The following ATP6V1C2 variants were observed in gnomAD, a reference collection of about 807,000 sequenced individuals.
ATP6V1C2 encodes ATPase H+ transporting V1 subunit C2.
Under a neutral mutation model 56.8 loss-of-function variants are expected in ATP6V1C2, and 45 were observed. That is an observed-to-expected ratio of 0.79 (90% CI 0.62 to 1.02). The LOEUF is 1.02. ATP6V1C2 is among the 50% of genes least tolerant of loss of function. ATP6V1C2 has a pLI of 0.00. For synonymous variants in ATP6V1C2, 220 were observed against 201.3 expected, an observed-to-expected ratio of 1.09 and a Z score of -0.79; for missense variants, 463 against 519.7, an observed-to-expected ratio of 0.89 and a Z score of 1.06.
intron 3 of ATP6V1C2, among the ~76,000 whole-genome samples, chr2:10,748,770 T>G (rs1215957318): frequency 6.6e-6 from 1 of 152,168 alleles, no homozygotes; most frequent in African/African-American, 2.4e-5. Flanking sequence ...CCTTTAGCTC[T>G]CTGAGTCTTA....
intron 7 of ATP6V1C2, 66 bp downstream of exon 7, chr2:10,772,003 T>C (rs955988677): frequency 3.5e-6 from 5 of 1,427,878 alleles, no homozygotes; most frequent in South Asian, 1.1e-5. Flanking sequence ...GACCCGTTGG[T>C]GACTTGGGCA....
intron 3 of ATP6V1C2, among the ~76,000 whole-genome samples, chr2:10,739,995 G>A (rs1008086150): frequency 1.5e-4 from 23 of 151,792 alleles, no homozygotes; most frequent in Non-Finnish European, 2.6e-4. Flanking sequence ...GGCTGAGGCA[G>A]GAGAATCACT....
chr2:10,781,476 T>C (rs1665350969), intron 12 of ATP6V1C2, among the ~76,000 whole-genome samples: 1 of 149,798 alleles, frequency 6.7e-6, no homozygotes, highest in African/African-American at 2.5e-5. Context: ...AGATTCTGTC[T>C]CAAAAAAAAA....
rs151035703 is a variant in ATP6V1C2, at chr2:10,776,484, C to T, written c.826-1101C>T. 2.4e-4 allele frequency among the ~76,000 whole-genome samples: 37 copies of T among 152,300 alleles called. No individual in the cohort carries two copies. The East Asian group carries it at 6.6e-3, about 27-fold the overall frequency. On this transcript the variant is annotated intron_variant, in intron 10 of 13. Coordinates refer to ENST00000272238, the MANE Select transcript of ATP6V1C2 (RefSeq NM_001039362.2). Reference sequence around the variant, plus strand: ...TCAGAGCAGGGCCCACAGACCCAGACACCAGGCAGGAAAGATTTTCCCCAG... The same window carrying T: ...TCAGAGCAGGGCCCACAGACCCAGATACCAGGCAGGAAAGATTTTCCCCAG...
At chr2:10,767,024 A>G (rs1386476813) in intron 5 of ATP6V1C2, among the ~76,000 whole-genome samples, 1 of 152,102 alleles carries the variant, frequency 6.6e-6, no homozygotes, top group African/African-American at 2.4e-5. Flanking sequence ...TCAAAATTAA[A>G]AGTTTTAAAA....
intron 6 of ATP6V1C2, chr2:10,770,185 G>T (rs992636923): frequency 6.6e-6 from 1 of 152,186 alleles, no homozygotes; most frequent in South Asian, 2.1e-4. Flanking sequence ...GATCACCTGA[G>T]GCCAGGAGTT....
intron 6 of ATP6V1C2, 26 bp from the exon 7 acceptor site, chr2:10,771,813 C>T: frequency 6.3e-7 from 1 of 1,582,186 alleles, no homozygotes; most frequent in Non-Finnish European, 8.7e-7. Context: ...ACATCTTTCA[C>T]ACCCTTTGTT....
intron 3 of ATP6V1C2, among the ~76,000 whole-genome samples, chr2:10,750,537 AAAAC>A (rs1170789628): frequency 8.8e-5 from 13 of 147,076 alleles, no homozygotes; most frequent in African/African-American, 2.5e-4. Flanking sequence ...GCAAAAAAAA[AAAAC>A]AAAACAAAAC....
rs749161686 is a variant in ATP6V1C2 at position 10,772,567 on chromosome 2, A to T, written c.595A>T (p.Thr199Ser). 39 of 1,613,928 alleles carry T rather than the reference A, an allele frequency of 2.4e-5. No homozygotes were observed. The highest frequency in any genetic ancestry group is 5.0e-5 in the Admixed American group (3 of 60,002). Residue 199 changes from threonine (T) to serine (S), a missense_variant, in exon 8 of 14, where the codon ACC (threonine) becomes TCC (serine). By Grantham distance (58) the Thr-to-Ser change is moderately conservative (BLOSUM62 1). Coordinates refer to ENST00000272238, the MANE Select transcript of ATP6V1C2 (RefSeq NM_001039362.2). ...PKPNYSQWQK[T>S]YESLSDMVVP... ...ACCAAACTACTCACAATGGCAAAAAACCTACGAATCTCTCTCAGACATGGT... is the reference window on the plus strand; with the variant it reads ...ACCAAACTACTCACAATGGCAAAAATCCTACGAATCTCTCTCAGACATGGT...
In ATP6V1C2 at chr2:10,780,358, C is replaced by T. The variant is rs1433738397; in HGVS notation, c.1061+1689C>T. On this transcript the variant is annotated intron_variant, in intron 12 of 13. Transcript: ENST00000272238. This position sits in a 1 kb window ranked among gnomAD's most constrained non-coding sequence, Gnocchi z 4.1. ...CTGGCCCCACCGGCCTGGCTGTTGC[C>T]ATAAGCCTCCTCTCTGTTCTTGGCC... Among the ~76,000 whole-genome samples the T allele has an allele frequency of 3.3e-5, 5 of 152,226 alleles. No homozygotes were observed. The highest frequency in any genetic ancestry group is 6.5e-5 in the Admixed American group (1 of 15,286).
intron 2 of ATP6V1C2, among the ~76,000 whole-genome samples, chr2:10,725,163 C>A (rs985654371): frequency 3.3e-5 from 5 of 151,912 alleles, no homozygotes; most frequent in Admixed American, 2.6e-4. Context: ...CCCGTAATCC[C>A]AGCCCTTTGG....
chr2:10,745,036 A>C (rs377008553), intron 3 of ATP6V1C2, among the ~76,000 whole-genome samples: 4,681 of 66,298 alleles, frequency 0.071, 276 homozygotes, highest in African/African-American at 0.21. Context: ...TTGTTTATTT[A>C]TTTTCTTTTT....
In ATP6V1C2 at chr2:10,784,892, AC is replaced by A. The variant is rs1363893409; in HGVS notation, c.*1631del. On this transcript the variant is annotated 3_prime_UTR_variant, in exon 14 of 14. Coordinates refer to ENST00000272238, the MANE Select transcript of ATP6V1C2 (RefSeq NM_001039362.2). ...GAGATGCACAGGCTCAAGAGAGTAA[AC>A]CAGGACTGCTGCCCGCACAGCTTCC... 1 of 1,384,232 alleles carries A rather than the reference AC, an allele frequency of 7.2e-7. No individual in the cohort carries two copies. Among genetic ancestry groups the A allele is most frequent in the Non-Finnish European group, 1.0e-6 (1 of 992,620 alleles). The allele number at this position is 1,384,232 out of a possible 1,614,324, so 85.7% of individuals were successfully genotyped here. A position where few individuals can be genotyped will look rare whatever the true frequency, so the allele number is the denominator to read the frequency against.
At chr2:10,779,538 T>G (rs1197640186) in intron 12 of ATP6V1C2, among the ~76,000 whole-genome samples, 1 of 150,400 alleles carries the variant, frequency 6.6e-6, no homozygotes, top group Non-Finnish European at 1.5e-5. Flanking sequence ...ATACAAAAAT[T>G]AGCCGGGTGT....
chr2:10,738,856 A>G (rs1229468876), intron 3 of ATP6V1C2, among the ~76,000 whole-genome samples: 2 of 152,116 alleles, frequency 1.3e-5, no homozygotes, highest in Non-Finnish European at 2.9e-5. Context: ...CCAGCCCTCC[A>G]CAGGAGACGC....
At chr2:10,759,230 C>T (rs1185282538) in intron 4 of ATP6V1C2, among the ~76,000 whole-genome samples, 2 of 152,232 alleles carry the variant, frequency 1.3e-5, no homozygotes, top group Non-Finnish European at 1.5e-5. Flanking sequence ...TTGGCTTCGT[C>T]AGGACCGGTT....
At chr2:10,727,156 G>A (rs959394528) in intron 3 of ATP6V1C2, among the ~76,000 whole-genome samples, 7 of 146,772 alleles carry the variant, frequency 4.8e-5, no homozygotes, top group African/African-American at 1.5e-4. Context: ...TGCAACCTCC[G>A]CCTCCCAGGT....
intron 7 of ATP6V1C2, 141 bp from the exon 8 acceptor site, chr2:10,772,401 A>G: frequency 1.3e-6 from 1 of 750,790 alleles, no homozygotes; most frequent in Non-Finnish European, 2.4e-6. Context: ...AGCAGACCTC[A>G]GGGGAGGTGA....
In ATP6V1C2 at chr2:10,784,738, GTATCAAA is replaced by G; in HGVS notation, c.*1477_*1483del. The stretch of plus-strand genomic sequence containing the variant: ...CTGAAATGTATCTTGGCTGTCAAGA[GTATCAAA>G]TGCCATGCAGCACTTAAACTTGTGA... On this transcript the variant is annotated 3_prime_UTR_variant, in exon 14 of 14. Transcript: ENST00000272238. 1.8e-6 allele frequency: 1 copy of G among 560,460 alleles called. No homozygotes were observed. Among genetic ancestry groups the G allele is most frequent in the Non-Finnish European group, 3.1e-6 (1 of 317,552 alleles). 34.7% of individuals were successfully genotyped at this position (560,460 alleles called of 1,614,324 possible). A position where few individuals can be genotyped will look rare whatever the true frequency, so the allele number is the denominator to read the frequency against.
Sources: allele counts gnomAD v4.1 joint callset (sites outside exome capture counted in the v4.1 genomes callset), GRCh38; gene constraint gnomAD v4.1.1; non-coding constraint Gnocchi (gnomAD v3.1); transcripts MANE v1.5; gene names NCBI Gene and HGNC (gene_info 2026-07-23, HGNC 2026-07-21).